BRPF3: variants seen among roughly 807,000 people sequenced by gnomAD.
The protein encoded by BRPF3 is bromodomain and PHD finger-containing protein 3.
A neutral mutation model predicts 102.0 loss-of-function variants in BRPF3; 18 were observed. The observed-to-expected ratio is 0.18, with a 90% CI of 0.12 to 0.26. The LOEUF is 0.26. Ranked by LOEUF, BRPF3 falls within the 10% of genes least tolerant of loss-of-function variation. BRPF3 has a pLI of 1.00. For synonymous variants in BRPF3, 570 were observed against 614.2 expected, an observed-to-expected ratio of 0.93 and a Z score of 1.06; for missense variants, 1,147 against 1,567.8, an observed-to-expected ratio of 0.73 and a Z score of 4.53.
chr6:36,208,623 C>T lies in BRPF3; in HGVS notation c.1738-1164C>T, dbSNP rs145478362. Among the ~76,000 whole-genome samples the T allele has an allele frequency of 4.9e-3, 749 of 152,330 alleles. 5 individuals are homozygous for T. Among genetic ancestry groups the T allele is most frequent in the African/African-American group, 0.013 (543 of 41,578 alleles). On this transcript the variant is annotated intron_variant, in intron 4 of 12. Coordinates refer to ENST00000357641, the MANE Select transcript of BRPF3 (RefSeq NM_015695.3). Reference sequence around the variant, plus strand: ...TCATGCCATATTTACCATGGATGGCCATGGAGGACATCTCAGGACCTTCTT... The same window carrying T: ...TCATGCCATATTTACCATGGATGGCTATGGAGGACATCTCAGGACCTTCTT...
rs1280126419 is a variant in BRPF3 at position 36,210,890 on chromosome 6, G to A, written c.2179+362G>A. Among the ~76,000 whole-genome samples, 1 of 152,166 alleles carries A rather than the reference G, an allele frequency of 6.6e-6. No homozygotes were observed. Among genetic ancestry groups the A allele is most frequent in the African/African-American group, 2.4e-5 (1 of 41,438 alleles). On this transcript the variant is annotated intron_variant, in intron 6 of 12. Coordinates refer to ENST00000357641, the MANE Select transcript of BRPF3 (RefSeq NM_015695.3). The surrounding 1 kb of genome is among the most constrained non-coding windows in gnomAD (Gnocchi z 4.7). ...GTTTGGCTCATTCAGAAGATTGCAG[G>A]TGGAGGACCAGAAAAATGGAATTGC...
chr6:36,217,976 G>T lies in BRPF3; in HGVS notation c.3049G>T (p.Gly1017Cys). ...ESGSDSECSL[G>C]LSGGLAFEAC... ...CGGGTCTGACTCTGAATGTAGTTTGGGTCTCAGTGGTGGACTGGCATTTGA... is the reference window on the plus strand; with the variant it reads ...CGGGTCTGACTCTGAATGTAGTTTGTGTCTCAGTGGTGGACTGGCATTTGA... The change falls in exon 9 of 13, where the codon GGT (glycine) becomes TGT (cysteine). Residue 1017 changes from glycine (G) to cysteine (C), a missense_variant. By Grantham distance (159) the Gly-to-Cys change is radical. Around this residue, in one of 11 missense-constraint regions of BRPF3, gnomAD observed 379 missense variants for 426.3 expected, o/e 0.89. Coordinates refer to ENST00000357641, the MANE Select transcript of BRPF3 (RefSeq NM_015695.3). The T allele has an allele frequency of 6.2e-7, 1 of 1,613,582 alleles. No individual in the cohort carries two copies. The highest frequency in any genetic ancestry group is 8.5e-7 in the Non-Finnish European group (1 of 1,179,804).
In BRPF3 at chr6:36,222,152, C is replaced by T. The variant is rs1279976314; in HGVS notation, c.3084-16C>T. The T allele has an allele frequency of 6.5e-7, 1 of 1,549,972 alleles. No homozygotes were observed. Among genetic ancestry groups the T allele is most frequent in the Non-Finnish European group, 8.7e-7 (1 of 1,146,894 alleles). On this transcript the variant is annotated splice_polypyrimidine_tract_variant and intron_variant, in intron 9 of 12. Coordinates refer to ENST00000357641, the MANE Select transcript of BRPF3 (RefSeq NM_015695.3). ...AAATTGCTCATTTCACCCCTCTCTCCCTGCTCTGTGTGCAGTGGTCTGACG... is the reference window on the plus strand; with the variant it reads ...AAATTGCTCATTTCACCCCTCTCTCTCTGCTCTGTGTGCAGTGGTCTGACG...
At chr6:36,229,934 G>A (rs909216126) in intron 12 of BRPF3, among the ~76,000 whole-genome samples, 4 of 152,174 alleles carry the variant, frequency 2.6e-5, no homozygotes, top group African/African-American at 9.7e-5. Flanking sequence ...TGCTCCAAAG[G>A]CTGTATCCTT....
chr6:36,209,010 A>G (rs1385704368), intron 4 of BRPF3, among the ~76,000 whole-genome samples: 1 of 152,230 alleles, frequency 6.6e-6, no homozygotes, highest in African/African-American at 2.4e-5. Flanking sequence ...GTTCAAGCAC[A>G]TTTTACATCA....
In BRPF3 at chr6:36,210,421, G is replaced by T; in HGVS notation, c.2072G>T (p.Arg691Leu). The change falls in exon 6 of 13, where the codon CGG becomes CTG. Residue 691 changes from arginine (R) to leucine (L), a missense_variant. Physicochemically the swap from Arg to Leu is moderately radical, Grantham distance 102. Coordinates refer to ENST00000357641, the MANE Select transcript of BRPF3 (RefSeq NM_015695.3). This position sits in a 1 kb window ranked among gnomAD's most constrained non-coding sequence, Gnocchi z 4.7. ...CGGGACCTGGGAGGGGCCATCCTAC[G>T]GCACGCCCGGCGGCAGGCAGAGAAC... ...RLRDLGGAILRHARRQAENIG... is the reference protein window; with the variant it reads ...RLRDLGGAILLHARRQAENIG... 1 of 1,613,626 alleles carries T rather than the reference G, an allele frequency of 6.2e-7. No individual in the cohort carries two copies. Among genetic ancestry groups the T allele is most frequent in the African/African-American group, 1.3e-5 (1 of 75,054 alleles).
chr6:36,212,621 A>G (rs1489255006), intron 7 of BRPF3, among the ~76,000 whole-genome samples: 2 of 150,276 alleles, frequency 1.3e-5, no homozygotes, highest in Admixed American at 6.6e-5. Context: ...CCATAGATTC[A>G]GTTAGGGATG....
chr6:36,210,142 A>C lies in BRPF3; in HGVS notation c.1867-74A>C. 1 of 1,561,660 alleles carries C rather than the reference A, an allele frequency of 6.4e-7. No individual in the cohort carries two copies. The highest frequency in any genetic ancestry group is 8.8e-7 in the Non-Finnish European group (1 of 1,134,818). On this transcript the variant is annotated intron_variant, in intron 5 of 12. Coordinates refer to ENST00000357641, the MANE Select transcript of BRPF3 (RefSeq NM_015695.3). This position sits in a 1 kb window ranked among gnomAD's most constrained non-coding sequence, Gnocchi z 4.7. The stretch of plus-strand genomic sequence containing the variant: ...GGCCAAATCAGAAATTGAGGAGGCC[A>C]AGAGTATTGGTGAAGGGTGTGTCTG...
Position 36,211,491 on chromosome 6 carries a change from G to A in BRPF3, c.2413G>A (p.Gly805Arg). 6.4e-7 allele frequency: 1 copy of A among 1,574,228 alleles called. No individual in the cohort carries two copies. The highest frequency in any genetic ancestry group is 2.4e-5 in the East Asian group (1 of 42,194). Residue 805 changes from glycine to arginine, a missense_variant, in exon 7 of 13, where the codon GGG becomes AGG. Physicochemically the swap from Gly to Arg is moderately radical, Grantham distance 125 (BLOSUM62 -2). Transcript: ENST00000357641. Reference protein sequence around the residue: ...KTVSNGELPAGPQGDAAVLEQ... With the variant: ...KTVSNGELPARPQGDAAVLEQ... ...AGTATCCAATGGGGAGCTGCCAGCA[G>A]GGCCCCAGGGGGATGCAGCTGTGCT... is the stretch of plus-strand genomic sequence containing the variant.
chr6:36,209,749 G>A, intron 4 of BRPF3, 38 bp from the exon 5 acceptor site: 1 of 1,589,806 alleles, frequency 6.3e-7, no homozygotes, highest in South Asian at 1.1e-5. Flanking sequence ...TCTTTGCAGG[G>A]GATGTTCTGA....
Position 36,225,296 on chromosome 6 carries a change from C to T in BRPF3, c.3211C>T (p.Arg1071Cys), listed in dbSNP as rs201220361. 6.1e-5 allele frequency: 98 copies of T among 1,609,748 alleles called. No individual in the cohort carries two copies. The highest frequency in any genetic ancestry group is 6.7e-5 in the Admixed American group (4 of 60,010). ...GRSLLLPFED[R>C]GDLEPLELVW... ...AAGCCTCCTGCTGCCCTTTGAAGAC[C>T]GCGGAGACCTGGAGCCCTTGGAGCT... Residue 1071 changes from arginine to cysteine, a missense_variant, in exon 11 of 13, where the codon CGC becomes TGC. Physicochemically the swap from Arg to Cys is radical, Grantham distance 180. Around this residue, in one of 11 missense-constraint regions of BRPF3, gnomAD observed 379 missense variants for 426.3 expected, o/e 0.89. Coordinates refer to ENST00000357641, the MANE Select transcript of BRPF3 (RefSeq NM_015695.3).
chr6:36,202,501 G>A (rs1239565027), intron 2 of BRPF3, among the ~76,000 whole-genome samples: 2 of 150,842 alleles, frequency 1.3e-5, no homozygotes, highest in Non-Finnish European at 2.9e-5. Flanking sequence ...ACCATTGGAG[G>A]GATGGGAGCT....
At chr6:36,198,359 T>C (rs1767580012) in intron 1 of BRPF3, among the ~76,000 whole-genome samples, 1 of 152,182 alleles carries the variant, frequency 6.6e-6, no homozygotes, top group Admixed American at 6.5e-5. Context: ...CATAGAGAGC[T>C]TAAGGGACTT....
In BRPF3 at chr6:36,210,054, C is replaced by T. The variant is rs565357333; in HGVS notation, c.1866+139C>T. 1.2e-4 allele frequency: 168 copies of T among 1,418,002 alleles called. No individual in the cohort carries two copies. Among genetic ancestry groups the T allele is most frequent in the Non-Finnish European group, 1.6e-4 (163 of 1,029,968 alleles). 87.8% of individuals were successfully genotyped at this position (1,418,002 alleles called of 1,614,324 possible). On this transcript the variant is annotated intron_variant, in intron 5 of 12. Transcript: ENST00000357641. This position sits in a 1 kb window ranked among gnomAD's most constrained non-coding sequence, Gnocchi z 4.7. ...GTCTGGCAAAGCTAGTAGACTTGCC[C>T]TTGATGAGGGGTCAGCAGGCCAGGG...
At chr6:36,219,197 C>T (rs1768440647) in intron 9 of BRPF3, among the ~76,000 whole-genome samples, 1 of 152,072 alleles carries the variant, frequency 6.6e-6, no homozygotes, top group African/African-American at 2.4e-5. Flanking sequence ...TGAGGGGGTC[C>T]CCAGCTACTC....
chr6:36,204,745 G>A lies in BRPF3; in HGVS notation c.1536G>A (p.Gln512=), dbSNP rs747514574. Residue 512 remains glutamine, a synonymous_variant, in exon 3 of 13, where the codon CAG becomes CAA. Coordinates refer to ENST00000357641, the MANE Select transcript of BRPF3 (RefSeq NM_015695.3). ...RLHNYWLLKR[Q]ARNGVPLIRR... is the part of the protein sequence containing the mutation. The stretch of plus-strand genomic sequence containing the variant: ...ACAATTATTGGCTGTTGAAGCGGCA[G>A]GCACGGAATGGTGTCCCTCTTATCC... The A allele has an allele frequency of 1.5e-5, 25 of 1,614,230 alleles. No individual in the cohort carries two copies. In the East Asian group the frequency reaches 4.9e-4, roughly 32 times the overall value.
At position 36,211,558 on chromosome 6, in the gene BRPF3, G is replaced by T. The variant is rs1488113578; in HGVS notation, c.2480G>T (p.Arg827Ile). 7 of 1,551,542 alleles carry T rather than the reference G, an allele frequency of 4.5e-6. No individual in the cohort carries two copies. The highest frequency in any genetic ancestry group is 6.1e-6 in the Non-Finnish European group (7 of 1,146,536). Residue 827 changes from arginine (R) to isoleucine (I), a missense_variant and splice_region_variant, in exon 7 of 13, where the codon AGA becomes ATA. Physicochemically the swap from Arg to Ile is moderately conservative, Grantham distance 97. Transcript: ENST00000357641. Reference protein sequence around the residue: ...LQEEPEDDGDRDDSKLPPPPT... With the variant: ...LQEEPEDDGDIDDSKLPPPPT... ...GAGGAGCCAGAAGACGATGGGGACA[G>T]AGGTGAGAGATAGTCACAGGCAGGC...
intron 7 of BRPF3, among the ~76,000 whole-genome samples, chr6:36,213,458 C>T (rs1768203960): frequency 6.6e-6 from 1 of 152,106 alleles, no homozygotes; most frequent in Non-Finnish European, 1.5e-5. Flanking sequence ...CTTTGGGAGG[C>T]AGAGGCAGGG....
Position 36,209,843 on chromosome 6 carries a change from G to C in BRPF3, c.1794G>C (p.Leu598Phe). ...ELELMPFNVLLRTTLDLLQEK... is the reference protein window; with the variant it reads ...ELELMPFNVLFRTTLDLLQEK... ...AGCTGATGCCATTCAATGTTCTGTTGAGGACAACACTGGACCTGCTGCAGG... is the reference window on the plus strand; with the variant it reads ...AGCTGATGCCATTCAATGTTCTGTTCAGGACAACACTGGACCTGCTGCAGG... Residue 598 changes from leucine (L) to phenylalanine (F), a missense_variant, in exon 5 of 13, where the codon TTG becomes TTC. By Grantham distance (22) the Leu-to-Phe change is conservative (BLOSUM62 0). Around this residue, in one of 11 missense-constraint regions of BRPF3, gnomAD observed 44 missense variants for 38.6 expected, o/e 1.14. Transcript: ENST00000357641. The C allele has an allele frequency of 6.2e-6, 10 of 1,614,206 alleles. No individual in the cohort carries two copies. Among genetic ancestry groups the C allele is most frequent in the Non-Finnish European group, 8.5e-6 (10 of 1,180,024 alleles).
Sources: gnomAD v4.1 joint callset for allele counts (sites outside exome capture counted in the v4.1 genomes callset) on GRCh38, gnomAD v4.1.1 for gene constraint, gnomAD v4.1.1 regional missense constraint, Gnocchi (gnomAD v3.1) non-coding constraint, MANE v1.5 for transcripts, NCBI Gene and HGNC (gene_info 2026-07-23, HGNC 2026-07-21) for gene names.